Variants in MYO1D observed in about 807,000 individuals in gnomAD.
MYO1D encodes the protein myosin ID, also known as unconventional myosin-Id.
Under a neutral mutation model 122.0 loss-of-function variants are expected in MYO1D, and 83 were observed. The ratio of observed to expected loss-of-function variants is 0.68; its 90% confidence interval spans 0.57 to 0.82. MYO1D has a LOEUF of 0.82. Among genes scored for constraint, MYO1D ranks in the 40% least tolerant of loss-of-function variants. MYO1D has a pLI of 0.00. For synonymous variants in MYO1D, 464 were observed against 446.9 expected (o/e 1.04, Z -0.48); for missense variants, 1,157 against 1,269.5 (o/e 0.91, Z 1.35).
At chr17:32,552,178 C>CA (rs1411383971) in intron 21 of MYO1D, among the ~76,000 whole-genome samples, 1 of 152,196 alleles carries the variant, frequency 6.6e-6, no homozygotes, top group African/African-American at 2.4e-5. Context: ...TGGACTCAAG[C>CA]AATCCTCCCA....
intron 21 of MYO1D, among the ~76,000 whole-genome samples, chr17:32,578,756 T>C (rs1339688625): frequency 6.6e-6 from 1 of 152,244 alleles, no homozygotes; most frequent in East Asian, 1.9e-4. Context: ...TTGACCTTGT[T>C]GTCTTCTTTC....
rs200842571 is a variant in MYO1D at position 32,654,516 on chromosome 17, G to C, written c.2451C>G (p.Leu817=). Residue 817 remains leucine, a synonymous_variant, in exon 18 of 22, where the codon CTC becomes CTG. Coordinates refer to ENST00000318217, the MANE Select transcript of MYO1D (RefSeq NM_015194.3). ...TGCCCTCCCAGGCCCTCTGGAGCCC[G>C]AGGTCAGCCCTTTGACCCTTCAACA... is the stretch of plus-strand genomic sequence containing the variant. The part of the protein sequence containing the change: ...VEMLKGQRAD[L]GLQRAWEGNY... 5 of 1,613,766 alleles carry C rather than the reference G, an allele frequency of 3.1e-6. No homozygotes were observed. The highest frequency in any genetic ancestry group is 1.7e-5 in the Admixed American group (1 of 59,956).
chr17:32,587,520 A>T (rs1421894088), intron 21 of MYO1D, among the ~76,000 whole-genome samples: 2 of 152,144 alleles, frequency 1.3e-5, no homozygotes, highest in Non-Finnish European at 2.9e-5. Flanking sequence ...TTCAAAAAAA[A>T]AAAAAAAAAA....
chr17:32,677,584 T>G (rs1276668606), intron 16 of MYO1D, among the ~76,000 whole-genome samples: 28 of 7,900 alleles, frequency 3.5e-3, no homozygotes, highest in Non-Finnish European at 6.5e-3. Context: ...TAGATAAATA[T>G]ATATATATAT....
chr17:32,552,452 CCATCCATCCATT>C (rs1555625161), intron 21 of MYO1D, among the ~76,000 whole-genome samples: 5 of 132,622 alleles, frequency 3.8e-5, no homozygotes, highest in Admixed American at 2.2e-4. Context: ...ATCCATCCAT[CCATCCATCCATT>C]CATCCATCCC....
chr17:32,856,425 T>G (rs911564154), intron 1 of MYO1D, among the ~76,000 whole-genome samples: 2 of 152,162 alleles, frequency 1.3e-5, no homozygotes, highest in Non-Finnish European at 2.9e-5. Flanking sequence ...TATGGTCTTC[T>G]CTCCTTTCCA....
chr17:32,743,718 T>G (rs1248531782), intron 13 of MYO1D, among the ~76,000 whole-genome samples: 1 of 151,812 alleles, frequency 6.6e-6, no homozygotes, highest in Non-Finnish European at 1.5e-5. Flanking sequence ...CCCAGGTTCA[T>G]GCCATTCTCC....
At chr17:32,580,139 A>T (rs1354645846) in intron 21 of MYO1D, among the ~76,000 whole-genome samples, 1 of 152,174 alleles carries the variant, frequency 6.6e-6, no homozygotes, top group African/African-American at 2.4e-5. Context: ...CAAACCAGTT[A>T]TCCAAAAATT....
chr17:32,716,900 C>T (rs551102766), intron 15 of MYO1D, among the ~76,000 whole-genome samples: 54 of 152,330 alleles, frequency 3.5e-4, no homozygotes, highest in African/African-American at 1.3e-3. Context: ...GGAGTTTTAC[C>T]TCCCTAAAGG....
In MYO1D at chr17:32,579,857, G is replaced by A. The variant is rs561942692; in HGVS notation, c.2864+25230C>T. 1.3e-5 allele frequency among the ~76,000 whole-genome samples: 2 copies of A among 152,290 alleles called. 1 individual carries two copies. Among genetic ancestry groups the A allele is most frequent in the African/African-American group, 4.8e-5 (2 of 41,548 alleles). ...ATTACCGAGTAGTAGTTCACTGTAT[G>A]GATATAACAGTTTGCTTATCCATCT... On this transcript the variant is annotated intron_variant, in intron 21 of 21. Transcript: ENST00000318217.
intron 21 of MYO1D, among the ~76,000 whole-genome samples, chr17:32,542,613 T>TAAA (rs67238143): frequency 1.6e-5 from 2 of 124,880 alleles, no homozygotes; most frequent in African/African-American, 5.7e-5. Context: ...GAGGTAACGC[T>TAAA]AAAAAAAAAA....
At chr17:32,637,216 A>G (rs544926762) in intron 20 of MYO1D, among the ~76,000 whole-genome samples, 54 of 152,290 alleles carry the variant, frequency 3.5e-4, no homozygotes, top group Middle Eastern at 3.4e-3. Context: ...ACATACCACA[A>G]TTAATTTTTT....
At chr17:32,769,745 T>C (rs574198739) in intron 6 of MYO1D, among the ~76,000 whole-genome samples, 1 of 152,100 alleles carries the variant, frequency 6.6e-6, no homozygotes, top group South Asian at 2.1e-4. Context: ...GTTCATAGTT[T>C]AGGTTTTGAC....
chr17:32,568,531 A>G (rs1169322656), intron 21 of MYO1D, among the ~76,000 whole-genome samples: 1 of 152,190 alleles, frequency 6.6e-6, no homozygotes, highest in Non-Finnish European at 1.5e-5. Flanking sequence ...CCCTTTGCAC[A>G]GCTGTATAAG....
intron 20 of MYO1D, among the ~76,000 whole-genome samples, chr17:32,628,070 A>AAAT (rs2087951431): frequency 6.6e-6 from 1 of 152,212 alleles, no homozygotes. Flanking sequence ...ATTGCTAATT[A>AAAT]TGTAGGCTAT....
chr17:32,552,847 A>T (rs1359993439), intron 21 of MYO1D, among the ~76,000 whole-genome samples: 2 of 152,206 alleles, frequency 1.3e-5, no homozygotes, highest in Admixed American at 6.5e-5. Context: ...CCATGTAAGT[A>T]ACTGGAAACA....
intron 21 of MYO1D, among the ~76,000 whole-genome samples, chr17:32,552,548 C>T (rs1457585665): frequency 6.6e-6 from 1 of 152,016 alleles, no homozygotes; most frequent in African/African-American, 2.4e-5. Context: ...TCCTTTTATC[C>T]ATCCATCCAC....
At chr17:32,666,899 T>C (rs2088644016) in intron 16 of MYO1D, among the ~76,000 whole-genome samples, 1 of 152,248 alleles carries the variant, frequency 6.6e-6, no homozygotes, top group South Asian at 2.1e-4. Flanking sequence ...GGACAATTTT[T>C]AGAAGCATCT....
intron 21 of MYO1D, among the ~76,000 whole-genome samples, chr17:32,596,386 G>C (rs1356152907): frequency 6.6e-6 from 1 of 152,158 alleles, no homozygotes; most frequent in Admixed American, 6.5e-5. Flanking sequence ...AGGGCCAGGC[G>C]CTGGGACCTT....
Sources: allele counts gnomAD v4.1 joint callset (sites outside exome capture counted in the v4.1 genomes callset), GRCh38; gene constraint gnomAD v4.1.1; transcripts MANE v1.5; gene names NCBI Gene and HGNC (gene_info 2026-07-23, HGNC 2026-07-21).